SFXN5: variants seen among roughly 807,000 people sequenced by gnomAD.
SFXN5 encodes the protein sideroflexin 5.
Under a neutral mutation model 50.2 loss-of-function variants are expected in SFXN5, and 43 were observed. The ratio of observed to expected loss-of-function variants is 0.86; its 90% confidence interval spans 0.67 to 1.11. The LOEUF is 1.11. Among genes scored for constraint, SFXN5 ranks in the 50% least tolerant of loss-of-function variants. The pLI, the probability that SFXN5 is intolerant of heterozygous loss-of-function variation, is 0.00. For synonymous variants in SFXN5, 203 were observed against 185.8 expected, an observed-to-expected ratio of 1.09 and a Z score of -0.75; for missense variants, 463 against 454.1, an observed-to-expected ratio of 1.02 and a Z score of -0.18.
chr2:73,050,960 TAG>T (rs1311191033), intron 2 of SFXN5, among the ~76,000 whole-genome samples: 1 of 152,232 alleles, frequency 6.6e-6, no homozygotes, highest in Non-Finnish European at 1.5e-5. Context: ...CTTTGCTGCT[TAG>T]AGATTTCTGC....
chr2:72,982,548 G>A (rs545186998), intron 10 of SFXN5, among the ~76,000 whole-genome samples: 14 of 152,340 alleles, frequency 9.2e-5, no homozygotes, highest in Admixed American at 4.6e-4. Context: ...GGCTGAGTGT[G>A]GTGGTAGATG....
Position 72,961,359 on chromosome 2 carries a change from G to A in SFXN5, c.828-111C>T. 1.5e-6 allele frequency: 1 copy of A among 651,134 alleles called. No homozygotes were observed. Among genetic ancestry groups the A allele is most frequent in the Non-Finnish European group, 2.5e-6 (1 of 402,610 alleles). The allele number at this position is 651,134 out of a possible 1,614,324, so 40.3% of individuals were successfully genotyped here. On this transcript the variant is annotated intron_variant, in intron 12 of 13. Coordinates refer to ENST00000272433, the MANE Select transcript of SFXN5 (RefSeq NM_144579.3). This position sits in a 1 kb window ranked among gnomAD's most constrained non-coding sequence, Gnocchi z 4.4. ...TCTGGGCCCAGGAAGCGTGGTTCCG[G>A]GGCAGTGCCAGTGTGCAGCTAAACA... is the stretch of plus-strand genomic sequence containing the variant.
rs1228377625 is a variant in SFXN5 at position 72,945,108 on chromosome 2, A to G, written c.946-9T>C. 4 of 1,612,778 alleles carry G rather than the reference A, an allele frequency of 2.5e-6. No individual in the cohort carries two copies. Among genetic ancestry groups the G allele is most frequent in the Non-Finnish European group, 2.5e-6 (3 of 1,179,196 alleles). On this transcript the variant is annotated splice_polypyrimidine_tract_variant and intron_variant, in intron 13 of 13. Transcript: ENST00000272433. The surrounding 1 kb of genome is among the most constrained non-coding windows in gnomAD (Gnocchi z 5.8). ...AATTGGGATGTTTCAATCTGTGGAG[A>G]GAGAACAGAGAGGAAAAGTGGGGGA... is the stretch of plus-strand genomic sequence containing the variant.
chr2:72,951,014 C>T (rs1436587928), intron 13 of SFXN5, among the ~76,000 whole-genome samples: 2 of 152,178 alleles, frequency 1.3e-5, no homozygotes, highest in Non-Finnish European at 1.5e-5. Context: ...CCCCGGGCAC[C>T]CAAGAGCCAG....
At chr2:72,947,100 G>A (rs1559073459) in intron 13 of SFXN5, among the ~76,000 whole-genome samples, 1 of 152,122 alleles carries the variant, frequency 6.6e-6, no homozygotes, top group Non-Finnish European at 1.5e-5. Flanking sequence ...GCTGGGCGTG[G>A]CCACCTCTGT....
chr2:73,004,492 A>C (rs112131781), intron 6 of SFXN5, among the ~76,000 whole-genome samples: 1 of 152,146 alleles, frequency 6.6e-6, no homozygotes, highest in East Asian at 1.9e-4. Context: ...ACATCCAAAC[A>C]GGAGTTTAGG....
chr2:73,065,972 CAG>C (rs1683148726), intron 1 of SFXN5, among the ~76,000 whole-genome samples: 1 of 152,120 alleles, frequency 6.6e-6, no homozygotes, highest in African/African-American at 2.4e-5. Flanking sequence ...GAAGGAAAAA[CAG>C]TGAGTTCAGG....
intron 3 of SFXN5, among the ~76,000 whole-genome samples, chr2:73,030,280 G>A (rs1000750847): frequency 3.3e-5 from 5 of 151,968 alleles, no homozygotes; most frequent in African/African-American, 1.2e-4. Context: ...CATATATTTT[G>A]GAGATCTTTC....
intron 1 of SFXN5, among the ~76,000 whole-genome samples, chr2:73,065,611 G>A (rs1683118139): frequency 6.6e-6 from 1 of 152,146 alleles, no homozygotes; most frequent in Non-Finnish European, 1.5e-5. Flanking sequence ...TGGCCAGGCT[G>A]GTCTTGAACT....
intron 9 of SFXN5, among the ~76,000 whole-genome samples, chr2:72,995,607 C>T (rs760153850): frequency 6.6e-6 from 1 of 152,038 alleles, no homozygotes; most frequent in Non-Finnish European, 1.5e-5. Flanking sequence ...CCATCCATGC[C>T]GCCTGCTTGT....
At chr2:72,952,454 G>A (rs1024634050) in intron 13 of SFXN5, among the ~76,000 whole-genome samples, 12 of 152,128 alleles carry the variant, frequency 7.9e-5, no homozygotes, top group South Asian at 6.2e-4. Flanking sequence ...CAGGCAGCTC[G>A]GTATCCCTAT....
chr2:73,013,273 T>C (rs1253131270), intron 6 of SFXN5, among the ~76,000 whole-genome samples: 1 of 152,036 alleles, frequency 6.6e-6, no homozygotes, highest in Non-Finnish European at 1.5e-5. Context: ...TAATACAAAA[T>C]GGCACAGAAA....
At chr2:73,052,840 C>G (rs1681553828) in intron 2 of SFXN5, among the ~76,000 whole-genome samples, 1 of 152,174 alleles carries the variant, frequency 6.6e-6, no homozygotes, top group Non-Finnish European at 1.5e-5. Context: ...GAAAATAATT[C>G]TGCACACACT....
chr2:73,063,156 C>T (rs1284846399), intron 1 of SFXN5, among the ~76,000 whole-genome samples: 1 of 152,164 alleles, frequency 6.6e-6, no homozygotes, highest in African/African-American at 2.4e-5. Context: ...CTGTATTGGT[C>T]ATATCAGTCT....
intron 10 of SFXN5, among the ~76,000 whole-genome samples, chr2:72,976,368 T>A (rs1670618176): frequency 6.6e-6 from 1 of 152,140 alleles, no homozygotes; most frequent in South Asian, 2.1e-4. Context: ...TGACGTAACC[T>A]AGTCATGGGT....
intron 3 of SFXN5, among the ~76,000 whole-genome samples, chr2:73,026,478 C>T (rs1263051588): frequency 6.6e-6 from 1 of 151,944 alleles, no homozygotes; most frequent in African/African-American, 2.4e-5. Flanking sequence ...TGGTCAATGA[C>T]AAACCACATA....
At chr2:72,989,581 T>C (rs1009119936) in intron 9 of SFXN5, among the ~76,000 whole-genome samples, 2 of 151,986 alleles carry the variant, frequency 1.3e-5, no homozygotes, top group South Asian at 2.1e-4. Flanking sequence ...CACTGGCACA[T>C]AGTACACGCT....
Position 72,988,330 on chromosome 2 carries a change from C to T in SFXN5, c.553G>A (p.Val185Ile), listed in dbSNP as rs1471537391. 2 of 1,613,776 alleles carry T rather than the reference C, an allele frequency of 1.2e-6. No individual in the cohort carries two copies. The highest frequency in any genetic ancestry group is 2.2e-5 in the East Asian group (1 of 44,880). The change falls in exon 10 of 14, where the codon GTT becomes ATT. Residue 185 changes from valine to isoleucine, a missense_variant. By Grantham distance (29) the Val-to-Ile change is conservative. Coordinates refer to ENST00000272433, the MANE Select transcript of SFXN5 (RefSeq NM_144579.3). The part of the protein sequence containing the change: ...VSIAVGLNVL[V>I]QKANKFTPAT... ...GGGGTGAACTTGTTGGCTTTCTGAA[C>T]CAGGACATTAAGGCCCACCTTTGAA...
At chr2:73,022,259 T>G (rs551495290) in intron 5 of SFXN5, among the ~76,000 whole-genome samples, 2 of 152,090 alleles carry the variant, frequency 1.3e-5, no homozygotes, top group Non-Finnish European at 2.9e-5. Flanking sequence ...TGGGTGGTGG[T>G]GGGGGCTACC....
Sources: allele counts gnomAD v4.1 joint callset (sites outside exome capture counted in the v4.1 genomes callset), GRCh38; gene constraint gnomAD v4.1.1; non-coding constraint Gnocchi (gnomAD v3.1); transcripts MANE v1.5; gene names NCBI Gene and HGNC (gene_info 2026-07-23, HGNC 2026-07-21).